The following ALDH1A1 variants were observed in gnomAD, a reference collection of about 807,000 sequenced individuals.
The protein encoded by ALDH1A1 is aldehyde dehydrogenase 1A1.
ALDH1A1 carries 19 observed loss-of-function variants against 62.1 expected under a neutral mutation model. The observed-to-expected ratio is 0.31, with a 90% CI of 0.21 to 0.45. The LOEUF (loss-of-function observed/expected upper bound fraction) is 0.45. Ranked by LOEUF, ALDH1A1 falls within the 20% of genes least tolerant of loss-of-function variation. The pLI, the probability that ALDH1A1 is intolerant of heterozygous loss-of-function variation, is 1.00. For missense variants in ALDH1A1, 521 were observed against 607.1 expected, an observed-to-expected ratio of 0.86 and a Z score of 1.49; for synonymous variants, 231 against 215.9, an observed-to-expected ratio of 1.07 and a Z score of -0.61.
At chr9:72,931,112 C>T (rs1830276834) in intron 2 of ALDH1A1, 93 bp from the exon 3 acceptor site, 1 of 1,377,748 alleles carries the variant, frequency 7.3e-7, no homozygotes, top group African/African-American at 1.4e-5. Flanking sequence ...TGTAGTGCCT[C>T]ATAAGCAGGC....
chr9:72,927,450 A>G (rs1830226365), intron 4 of ALDH1A1, among the ~76,000 whole-genome samples: 2 of 152,188 alleles, frequency 1.3e-5, no homozygotes, highest in African/African-American at 2.4e-5. Flanking sequence ...GAACCATAAA[A>G]TTGAGTTAGG....
chr9:72,946,438 C>A (rs1830474701), intron 1 of ALDH1A1, among the ~76,000 whole-genome samples: 1 of 151,814 alleles, frequency 6.6e-6, no homozygotes, highest in Admixed American at 6.6e-5. Flanking sequence ...TACAATGAAT[C>A]AGGTAGAGAT....
chr9:72,935,690 C>G (rs1453386605), intron 2 of ALDH1A1, among the ~76,000 whole-genome samples: 1 of 152,160 alleles, frequency 6.6e-6, no homozygotes, highest in African/African-American at 2.4e-5. Context: ...CACATCTGTA[C>G]TTTGCTTTGT....
At chr9:72,923,124 C>T (rs1830162837) in intron 7 of ALDH1A1, among the ~76,000 whole-genome samples, 1 of 152,156 alleles carries the variant, frequency 6.6e-6, no homozygotes, top group African/African-American at 2.4e-5. Context: ...TTCCTCAAAA[C>T]CCAGAGCTAG....
chr9:72,950,530 A>C (rs188420185), intron 1 of ALDH1A1, among the ~76,000 whole-genome samples: 233 of 152,052 alleles, frequency 1.5e-3, no homozygotes, highest in Non-Finnish European at 2.6e-3. Context: ...CAAAGAAATA[A>C]TCAGACTGTA....
chr9:72,906,183 A>C, intron 11 of ALDH1A1, 151 bp from the exon 12 acceptor site: 1 of 582,470 alleles, frequency 1.7e-6, no homozygotes, highest in Non-Finnish European at 3.1e-6. Flanking sequence ...AGCACTATAA[A>C]TTAGAATGCA....
intron 9 of ALDH1A1, among the ~76,000 whole-genome samples, chr9:72,916,181 G>A (rs147364146): frequency 1.7e-3 from 254 of 152,176 alleles, no homozygotes; most frequent in African/African-American, 5.9e-3. Flanking sequence ...AAATGTCCCC[G>A]GGGTGAGGGG....
chr9:72,923,967 A>G, intron 7 of ALDH1A1, 52 bp downstream of exon 7: 1 of 1,240,018 alleles, frequency 8.1e-7, no homozygotes, highest in Non-Finnish European at 1.1e-6. Flanking sequence ...AACATACTTC[A>G]TAGCTGGCAA....
intron 12 of ALDH1A1, among the ~76,000 whole-genome samples, chr9:72,903,433 T>A (rs1489133554): frequency 6.6e-6 from 1 of 152,044 alleles, no homozygotes; most frequent in Non-Finnish European, 1.5e-5. Flanking sequence ...TGATCAATTC[T>A]CTCTATTGTT....
rs73647851 is a variant in ALDH1A1, at chr9:72,928,396, C to T, written c.442+496G>A. On this transcript the variant is annotated intron_variant, in intron 4 of 12. Coordinates refer to ENST00000297785, the MANE Select transcript of ALDH1A1 (RefSeq NM_000689.5). ...CATCTTGCTTTGAAGATATTTGAAACGAGTCCGTGTGAACTGGCTTGTTTG... is the reference window on the plus strand; with the variant it reads ...CATCTTGCTTTGAAGATATTTGAAATGAGTCCGTGTGAACTGGCTTGTTTG... 2.8e-3 allele frequency among the ~76,000 whole-genome samples: 420 copies of T among 152,276 alleles called. 2 individuals are homozygous for T. The highest frequency in any genetic ancestry group is 8.9e-3 in the African/African-American group (368 of 41,570).
chr9:72,921,503 C>CTTTTTTTTTTTTTTTTT (rs11327072), intron 7 of ALDH1A1, among the ~76,000 whole-genome samples: 1 of 109,504 alleles, frequency 9.1e-6, no homozygotes, highest in African/African-American at 3.5e-5. Flanking sequence ...ACATTTAATT[C>CTTTTTTTTTTTTTTTTT]TTTTTTTTTT....
chr9:72,918,677 A>G, intron 8 of ALDH1A1, 43 bp downstream of exon 8: 1 of 1,263,392 alleles, frequency 7.9e-7, no homozygotes, highest in South Asian at 2.0e-5. Flanking sequence ...CAGACACCAA[A>G]AACGATGAAG....
At chr9:72,905,809 C>T in intron 12 of ALDH1A1, 149 bp downstream of exon 12, 1 of 610,560 alleles carries the variant, frequency 1.6e-6, no homozygotes, top group Non-Finnish European at 2.8e-6. Context: ...GGAGTACATC[C>T]CACATTTAAT....
intron 2 of ALDH1A1, among the ~76,000 whole-genome samples, chr9:72,939,567 G>T (rs1399426975): frequency 6.7e-6 from 1 of 149,222 alleles, no homozygotes. Flanking sequence ...TTTTTGGCTG[G>T]AGTGCAGTGG....
chr9:72,950,910 A>G (rs1830536975), intron 1 of ALDH1A1, among the ~76,000 whole-genome samples: 1 of 151,666 alleles, frequency 6.6e-6, no homozygotes. Flanking sequence ...CCAATTCTTC[A>G]CTGGGACATA....
chr9:72,933,592 C>CAAAAAAAAA (rs60011646), intron 2 of ALDH1A1, among the ~76,000 whole-genome samples: 29 of 111,720 alleles, frequency 2.6e-4, no homozygotes, highest in East Asian at 4.6e-4. Context: ...CATCTCAAAA[C>CAAAAAAAAA]AAAAAAAAAA....
intron 12 of ALDH1A1, among the ~76,000 whole-genome samples, chr9:72,903,096 A>T (rs1168168622): frequency 3.3e-5 from 5 of 152,060 alleles, no homozygotes; most frequent in Non-Finnish European, 7.4e-5. Context: ...TCAAGAAAAA[A>T]AATTCATTTG....
At chr9:72,925,794 A>G (rs1231587300) in intron 5 of ALDH1A1, among the ~76,000 whole-genome samples, 182 bp from the exon 6 acceptor site, 1 of 152,186 alleles carries the variant, frequency 6.6e-6, no homozygotes, top group Non-Finnish European at 1.5e-5. Context: ...CTCTGAATAA[A>G]CCAGATATGA....
chr9:72,949,800 G>A (rs928261487), intron 1 of ALDH1A1, among the ~76,000 whole-genome samples: 2 of 149,338 alleles, frequency 1.3e-5, no homozygotes, highest in African/African-American at 4.9e-5. Flanking sequence ...AATTCTGTCT[G>A]AGAATGCTTG....
Sources: allele counts gnomAD v4.1 joint callset (sites outside exome capture counted in the v4.1 genomes callset), GRCh38; gene constraint gnomAD v4.1.1; transcripts MANE v1.5; gene names NCBI Gene and HGNC (gene_info 2026-07-23, HGNC 2026-07-21).